The following HERC2 variants were observed in gnomAD, a reference collection of about 807,000 sequenced individuals.
The protein encoded by HERC2 is E3 ubiquitin-protein ligase HERC2.
A neutral mutation model predicts 537.7 loss-of-function variants in HERC2; 102 were observed. That is an observed-to-expected ratio of 0.19 (90% CI 0.16 to 0.22). The LOEUF is 0.22. Among genes scored for constraint, HERC2 ranks in the 10% least tolerant of loss-of-function variants. The probability of loss-of-function intolerance (pLI) is 1.00; values close to 1 mark genes in which losing one functional copy is unlikely to be tolerated. For missense variants in HERC2, 4,236 were observed against 6,198.2 expected (o/e 0.68, Z 10.63); for synonymous variants, 2,224 against 2,466.2 (o/e 0.90, Z 2.91).
chr15:28,259,951 G>A (rs1454749478), intron 16 of HERC2, among the ~76,000 whole-genome samples: 1 of 139,820 alleles, frequency 7.2e-6, no homozygotes, highest in Non-Finnish European at 1.5e-5. Context: ...CTGGGTGACA[G>A]AGTGAGACTC....
At position 28,229,280 on chromosome 15, in the gene HERC2, T is replaced by C. The variant is rs553730464; in HGVS notation, c.5187A>G (p.Glu1729=). 34 of 1,613,554 alleles carry C rather than the reference T, an allele frequency of 2.1e-5. No homozygotes were observed. In the East Asian group the frequency reaches 7.4e-4, roughly 35 times the overall value. Residue 1729 remains glutamate, a synonymous_variant, in exon 34 of 93, where the codon GAA becomes GAG. Coordinates refer to ENST00000261609, the MANE Select transcript of HERC2 (RefSeq NM_004667.6). Reference sequence around the variant, plus strand: ...AAGCGTACAGCTTGCCAAAGGTGACTTCCAGCAGCATCCGATTAAAAGGCG... The same window carrying C: ...AAGCGTACAGCTTGCCAAAGGTGACCTCCAGCAGCATCCGATTAAAAGGCG... ...LIPPFNRMLL[E]VTFGKLYAWA...
Position 28,146,297 on chromosome 15 carries a change from T to C in HERC2, c.10948A>G (p.Arg3650Gly). The change falls in exon 71 of 93, where the codon AGG becomes GGG. Residue 3650 changes from arginine (R) to glycine (G), a missense_variant. By Grantham distance (125) the Arg-to-Gly change is moderately radical. Transcript: ENST00000261609. The part of the protein sequence containing the change: ...VEFDRQCSTE[R>G]RHDPLTVMDG... Reference sequence around the variant, plus strand: ...ATGACTGTGAGAGGGTCGTGGCGCCTCTCTGTGGAGCACTGCCGGTCAAAT... The same window carrying C: ...ATGACTGTGAGAGGGTCGTGGCGCCCCTCTGTGGAGCACTGCCGGTCAAAT... 1 of 1,613,914 alleles carries C rather than the reference T, an allele frequency of 6.2e-7. No homozygotes were observed. Among genetic ancestry groups the C allele is most frequent in the Non-Finnish European group, 8.5e-7 (1 of 1,179,982 alleles).
chr15:28,127,240 G>C (rs1338570420), intron 83 of HERC2, among the ~76,000 whole-genome samples: 2 of 152,242 alleles, frequency 1.3e-5, no homozygotes, highest in African/African-American at 4.8e-5. Flanking sequence ...TGCAGACGCA[G>C]CTGGGCATAG....
intron 9 of HERC2, 35 bp downstream of exon 9, chr15:28,272,180 G>A (rs1283306639): frequency 1.3e-6 from 2 of 1,536,698 alleles, no homozygotes; most frequent in East Asian, 2.3e-5. Context: ...AGACTCGAGT[G>A]CCACCTAAAC....
intron 56 of HERC2, 32 bp downstream of exon 56, chr15:28,186,545 G>GT: frequency 6.3e-7 from 1 of 1,580,442 alleles, no homozygotes; most frequent in Non-Finnish European, 8.7e-7. Flanking sequence ...GTAGCGGGAG[G>GT]TAAGTGAGCA....
intron 83 of HERC2, among the ~76,000 whole-genome samples, chr15:28,129,448 G>A (rs1298252865): frequency 2.6e-5 from 4 of 152,334 alleles, no homozygotes; most frequent in South Asian, 2.1e-4. Context: ...CCTGCCTGGC[G>A]CGTACCAAGT....
Position 28,224,216 on chromosome 15 carries a change from C to T in HERC2, c.5465-2001G>A, listed in dbSNP as rs541209862. Among the ~76,000 whole-genome samples the T allele has an allele frequency of 3.9e-3, 588 of 150,410 alleles. 2 individuals carry two copies. Among genetic ancestry groups the T allele is most frequent in the Non-Finnish European group, 6.3e-3 (423 of 67,556 alleles). On this transcript the variant is annotated intron_variant, in intron 35 of 92. Transcript: ENST00000261609. ...AGACAGACAGATAGATAGAAAGATTCCCCCCACCCCCAAGACAGGATTTCA... is the reference window on the plus strand; with the variant it reads ...AGACAGACAGATAGATAGAAAGATTTCCCCCACCCCCAAGACAGGATTTCA...
intron 76 of HERC2, 98 bp downstream of exon 76, chr15:28,142,140 C>T (rs1257614689): frequency 6.4e-6 from 9 of 1,398,020 alleles, no homozygotes; most frequent in African/African-American, 4.3e-5. Context: ...CCTTGGCAAG[C>T]GAAATTTTTC....
chr15:28,241,460 C>T (rs906053617), intron 23 of HERC2, among the ~76,000 whole-genome samples: 2 of 152,040 alleles, frequency 1.3e-5, no homozygotes, highest in African/African-American at 2.4e-5. Context: ...TATGGCAACC[C>T]CTCAAAAAAA....
rs1893783498 is a variant in HERC2 at position 28,163,104 on chromosome 15, G to A, written c.10736C>T (p.Ala3579Val). 6.2e-7 allele frequency: 1 copy of A among 1,609,594 alleles called. No homozygotes were observed. Among genetic ancestry groups the A allele is most frequent in the Non-Finnish European group, 8.5e-7 (1 of 1,179,562 alleles). ...LSAVLSGMGT[A>V]YPQVADMLLE... ...CTCCCTGAGACTCACCTGTGGGTAG[G>A]CGGTCCCCATGCCGGAAAGCACCGC... Residue 3579 changes from alanine (A) to valine (V), a missense_variant, in exon 69 of 93, where the codon GCC becomes GTC. By Grantham distance (64) the Ala-to-Val change is moderately conservative. Coordinates refer to ENST00000261609, the MANE Select transcript of HERC2 (RefSeq NM_004667.6).
chr15:28,178,891 G>A lies in HERC2; in HGVS notation c.9159C>T (p.His3053=). Reference sequence around the variant, plus strand: ...CTCCTGGTGCTTGGCTTGTACCTGAGTGAACAGCCACCTTCTTGACCACGT... The same window carrying A: ...CTCCTGGTGCTTGGCTTGTACCTGAATGAACAGCCACCTTCTTGACCACGT... ...SSYVVKKVAV[H]SGGRHATALT... The change falls in exon 59 of 93, where the codon CAC becomes CAT. Residue 3053 remains histidine (H), a synonymous_variant. Transcript: ENST00000261609. 6.2e-7 allele frequency: 1 copy of A among 1,613,492 alleles called. No homozygotes were observed. The highest frequency in any genetic ancestry group is 8.5e-7 in the Non-Finnish European group (1 of 1,179,966).
intron 79 of HERC2, 152 bp from the exon 80 acceptor site, chr15:28,132,982 A>G (rs1890258462): frequency 1.7e-6 from 1 of 601,542 alleles, no homozygotes; most frequent in East Asian, 3.4e-5. Flanking sequence ...AAAGTTCACC[A>G]CTTCCTATCT....
At chr15:28,315,355 C>G (rs1432392807) in intron 2 of HERC2, among the ~76,000 whole-genome samples, 2 of 152,246 alleles carry the variant, frequency 1.3e-5, no homozygotes, top group African/African-American at 4.8e-5. Context: ...TGCGTGACAT[C>G]ACAGCGGAGA....
chr15:28,220,615 C>T lies in HERC2; in HGVS notation c.5682G>A (p.Val1894=). 2 of 1,604,152 alleles carry T rather than the reference C, an allele frequency of 1.2e-6. No homozygotes were observed. The highest frequency in any genetic ancestry group is 1.7e-6 in the Non-Finnish European group (2 of 1,179,832). ...ATCCGTCCTCTCCCAGCTCACCAAT[C>T]ACGCGGCCTAGGCCTGGAGGAGGCC... ...QDGPPPGLGR[V]IGELGEDGWI... is the part of the protein sequence containing the mutation. The change falls in exon 37 of 93, where the codon GTG becomes GTA. Residue 1894 remains valine (V), a synonymous_variant. Transcript: ENST00000261609.
chr15:28,263,802 C>T (rs568160067), intron 14 of HERC2, among the ~76,000 whole-genome samples: 22 of 152,060 alleles, frequency 1.4e-4, no homozygotes, highest in African/African-American at 5.3e-4. Context: ...GAGGCCAAGG[C>T]GGGCGGATCA....
Position 28,238,035 on chromosome 15 carries a change from A to G in HERC2, c.3852+79T>C. 5 of 899,850 alleles carry G rather than the reference A, an allele frequency of 5.6e-6. No individual in the cohort carries two copies. In the Admixed American group the frequency reaches 8.5e-5, roughly 15 times the overall value. 55.7% of individuals were successfully genotyped at this position (899,850 alleles called of 1,614,324 possible). On this transcript the variant is annotated intron_variant, in intron 25 of 92. Coordinates refer to ENST00000261609, the MANE Select transcript of HERC2 (RefSeq NM_004667.6). ...AAAAGACCCAGATATCAGTACTTCTAGATCCAAATATTCCTATCACAAACA... is the reference window on the plus strand; with the variant it reads ...AAAAGACCCAGATATCAGTACTTCTGGATCCAAATATTCCTATCACAAACA...
At chr15:28,258,243 C>T (rs922035695) in intron 16 of HERC2, among the ~76,000 whole-genome samples, 5 of 151,922 alleles carry the variant, frequency 3.3e-5, no homozygotes, top group African/African-American at 1.2e-4. Context: ...GCCAAGGCGG[C>T]GGGGATCACC....
At chr15:28,297,547 G>C (rs1264836186) in intron 3 of HERC2, among the ~76,000 whole-genome samples, 2 of 151,682 alleles carry the variant, frequency 1.3e-5, no homozygotes, top group Non-Finnish European at 2.9e-5. Context: ...AACCCATTAT[G>C]TTGTTTAAAA....
rs894645784 is a variant in HERC2, at chr15:28,177,355, T to C, written c.9254+64A>G. On this transcript the variant is annotated intron_variant, in intron 60 of 92. Transcript: ENST00000261609. The surrounding 1 kb of genome is among the most constrained non-coding windows in gnomAD (Gnocchi z 5.0). The stretch of plus-strand genomic sequence containing the variant: ...CTATTCTAATTTTCTGCAAAATAAT[T>C]CTCAAGAGTATCAGTCAGAAACAGT... 4.7e-6 allele frequency: 7 copies of C among 1,495,212 alleles called. No homozygotes were observed. The African/African-American group carries it at 5.5e-5, about 12-fold the overall frequency. The allele number at this position is 1,495,212 out of a possible 1,614,324, so 92.6% of individuals were successfully genotyped here. A position where few individuals can be genotyped will look rare whatever the true frequency, so the allele number is the denominator to read the frequency against.
Sources: allele counts gnomAD v4.1 joint callset (sites outside exome capture counted in the v4.1 genomes callset), GRCh38; gene constraint gnomAD v4.1.1; non-coding constraint Gnocchi (gnomAD v3.1); transcripts MANE v1.5; gene names NCBI Gene and HGNC (gene_info 2026-07-23, HGNC 2026-07-21).